Variants in IMMP2L observed in about 807,000 individuals in gnomAD.
IMMP2L encodes inner mitochondrial membrane peptidase subunit 2, also known as mitochondrial inner membrane protease subunit 2.
A neutral mutation model predicts 19.3 loss-of-function variants in IMMP2L; 18 were observed. The observed-to-expected ratio is 0.93, with a 90% CI of 0.64 to 1.38. The LOEUF is 1.38. Ranked by LOEUF, IMMP2L falls within the 40% of genes most tolerant of loss-of-function variation. The probability of loss-of-function intolerance (pLI) is 0.00; values close to 1 mark genes in which losing one functional copy is unlikely to be tolerated. For synonymous variants in IMMP2L, 76 were observed against 73.0 expected, an observed-to-expected ratio of 1.04 and a Z score of -0.21; for missense variants, 233 against 218.2, an observed-to-expected ratio of 1.07 and a Z score of -0.43.
chr7:111,523,029 A>G (rs984200401), intron 1 of IMMP2L, among the ~76,000 whole-genome samples: 1 of 151,408 alleles, frequency 6.6e-6, no homozygotes. Flanking sequence ...CAGGCACAGA[A>G]AGACAATATT....
chr7:111,255,012 C>A (rs1221540957), intron 3 of IMMP2L, among the ~76,000 whole-genome samples: 1 of 151,980 alleles, frequency 6.6e-6, no homozygotes, highest in Non-Finnish European at 1.5e-5. Flanking sequence ...AATATAACTA[C>A]TTTAAATTTT....
At chr7:110,795,555 A>C (rs564017255) in intron 5 of IMMP2L, among the ~76,000 whole-genome samples, 1 of 152,184 alleles carries the variant, frequency 6.6e-6, no homozygotes, top group African/African-American at 2.4e-5. Flanking sequence ...CTCAAGCATA[A>C]GCATAGCAGC....
At chr7:110,795,377 A>G (rs889119310) in intron 5 of IMMP2L, among the ~76,000 whole-genome samples, 6 of 152,128 alleles carry the variant, frequency 3.9e-5, no homozygotes, top group Non-Finnish European at 5.9e-5. Flanking sequence ...TCAGTATCCT[A>G]TCATGGTTTA....
intron 3 of IMMP2L, among the ~76,000 whole-genome samples, chr7:111,024,794 C>T (rs1860806): frequency 0.033 from 5,079 of 152,148 alleles, 277 homozygotes; most frequent in African/African-American, 0.12. Flanking sequence ...TTTACCTGTG[C>T]AGAAAGAAAA....
At chr7:111,296,324 A>G (rs2129840046) in intron 3 of IMMP2L, among the ~76,000 whole-genome samples, 1 of 152,072 alleles carries the variant, frequency 6.6e-6, no homozygotes, top group Non-Finnish European at 1.5e-5. Context: ...AAATACCAAT[A>G]CATGAAATTA....
chr7:111,221,857 A>G (rs1482034271), intron 3 of IMMP2L, among the ~76,000 whole-genome samples: 1 of 152,052 alleles, frequency 6.6e-6, no homozygotes, highest in East Asian at 1.9e-4. Flanking sequence ...TGAAACTATC[A>G]TTATTAGAAT....
At chr7:111,232,954 G>C (rs935266490) in intron 3 of IMMP2L, among the ~76,000 whole-genome samples, 1 of 152,078 alleles carries the variant, frequency 6.6e-6, no homozygotes, top group Non-Finnish European at 1.5e-5. Context: ...ATACTGGTAC[G>C]ATGTACTCCC....
intron 4 of IMMP2L, among the ~76,000 whole-genome samples, chr7:110,909,701 T>C (rs890789750): frequency 2.0e-5 from 3 of 152,080 alleles, no homozygotes; most frequent in African/African-American, 7.2e-5. Flanking sequence ...GTTGAGCACC[T>C]CCCTATCCAA....
intron 3 of IMMP2L, among the ~76,000 whole-genome samples, chr7:111,360,599 C>T (rs1232664789): frequency 1.3e-5 from 2 of 152,072 alleles, no homozygotes; most frequent in Non-Finnish European, 2.9e-5. Context: ...AGAAGGATTG[C>T]TTGAACCCAG....
At chr7:111,217,126 T>TCTCACACACACACACACACACACACA (rs1472700586) in intron 3 of IMMP2L, among the ~76,000 whole-genome samples, 2 of 124,070 alleles carry the variant, frequency 1.6e-5, no homozygotes, top group African/African-American at 6.3e-5. Context: ...TCTCTCTCTC[T>TCTCACACACACACACACACACACACA]CACACACACA....
At chr7:111,305,338 A>T (rs755494598) in intron 3 of IMMP2L, among the ~76,000 whole-genome samples, 2 of 151,930 alleles carry the variant, frequency 1.3e-5, no homozygotes, top group Non-Finnish European at 2.9e-5. Context: ...AGTGCTAAAT[A>T]TTTTTTTTGA....
At chr7:111,109,873 T>C (rs1196659559) in intron 3 of IMMP2L, among the ~76,000 whole-genome samples, 1 of 152,172 alleles carries the variant, frequency 6.6e-6, no homozygotes, top group Non-Finnish European at 1.5e-5. Context: ...CGGTGGCTCA[T>C]GCCTGTAATT....
intron 4 of IMMP2L, among the ~76,000 whole-genome samples, chr7:110,939,498 G>C (rs1322357964): frequency 6.6e-6 from 1 of 151,922 alleles, no homozygotes; most frequent in Non-Finnish European, 1.5e-5. Context: ...CTGTTCTACG[G>C]CCCCAACTAC....
chr7:111,270,764 G>C (rs762876718), intron 3 of IMMP2L, among the ~76,000 whole-genome samples: 7 of 151,986 alleles, frequency 4.6e-5, no homozygotes, highest in Non-Finnish European at 7.4e-5. Context: ...AAAAACACAA[G>C]TATTTATTTG....
At chr7:111,523,083 A>T (rs1273637918) in intron 1 of IMMP2L, among the ~76,000 whole-genome samples, 2 of 151,906 alleles carry the variant, frequency 1.3e-5, no homozygotes, top group Non-Finnish European at 2.9e-5. Flanking sequence ...AAACTCATAA[A>T]AGTAGAGAGT....
At chr7:110,726,285 ATAACACT>A (rs2130792838) in intron 5 of IMMP2L, among the ~76,000 whole-genome samples, 1 of 152,350 alleles carries the variant, frequency 6.6e-6, no homozygotes, top group South Asian at 2.1e-4. Flanking sequence ...TGTGAAATAT[ATAACACT>A]CCTTTCTTCC....
At chr7:110,909,926 C>CAGAGAGAGAGAGAGAGAGAGAG (rs139251144) in intron 4 of IMMP2L, among the ~76,000 whole-genome samples, 18 of 145,824 alleles carry the variant, frequency 1.2e-4, no homozygotes, top group African/African-American at 3.8e-4. Context: ...GAGAGATAGA[C>CAGAGAGAGAGAGAGAGAGAGAG]AGAGAGAGAG....
chr7:111,122,602 T>A, intron 3 of IMMP2L: 2 of 597,238 alleles, frequency 3.3e-6, no homozygotes, highest in South Asian at 4.4e-5. Flanking sequence ...TTTTGGACAA[T>A]GCAATTGTGG....
chr7:110,666,921 G>T (rs989659420), intron 5 of IMMP2L, among the ~76,000 whole-genome samples: 28 of 152,256 alleles, frequency 1.8e-4, no homozygotes, highest in African/African-American at 6.7e-4. Flanking sequence ...TTGTAGGCCG[G>T]AGTGCAGTGG....
Sources: allele counts gnomAD v4.1 joint callset (sites outside exome capture counted in the v4.1 genomes callset), GRCh38; gene constraint gnomAD v4.1.1; transcripts MANE v1.5; gene names NCBI Gene and HGNC (gene_info 2026-07-23, HGNC 2026-07-21).